FCHSD2: variants seen among roughly 807,000 people sequenced by gnomAD.
The protein encoded by FCHSD2 is F-BAR and double SH3 domains protein 2.
In FCHSD2, 38 loss-of-function variants were observed where a neutral mutation model predicts 108.1. That is an observed-to-expected ratio of 0.35 (90% CI 0.27 to 0.46). The LOEUF (loss-of-function observed/expected upper bound fraction) is 0.46. FCHSD2 is among the 20% of genes least tolerant of loss of function. The pLI is 1.00. For synonymous variants in FCHSD2, 279 were observed against 314.7 expected, an observed-to-expected ratio of 0.89 and a Z score of 1.20; for missense variants, 751 against 897.8, an observed-to-expected ratio of 0.84 and a Z score of 2.09.
At chr11:72,919,880 T>C (rs912443938) in intron 9 of FCHSD2, among the ~76,000 whole-genome samples, 2 of 152,006 alleles carry the variant, frequency 1.3e-5, no homozygotes, top group African/African-American at 4.8e-5. Flanking sequence ...CCCTACCACA[T>C]ATTCCAACTG....
In FCHSD2 at chr11:72,876,975, AT is replaced by A. The variant is rs1193412834; in HGVS notation, c.1147-8950del. 2.3e-3 allele frequency among the ~76,000 whole-genome samples: 324 copies of A among 142,526 alleles called. 1 individual carries two copies. The highest frequency in any genetic ancestry group is 2.3e-3 in the Admixed American group (33 of 14,190). The allele number at this position is 142,526 out of a possible 152,430, so 93.5% of individuals were successfully genotyped here. A position where few individuals can be genotyped will look rare whatever the true frequency, so the allele number is the denominator to read the frequency against. On this transcript the variant is annotated intron_variant, in intron 12 of 19. Coordinates refer to ENST00000409418, the MANE Select transcript of FCHSD2 (RefSeq NM_014824.3). Reference sequence around the variant, plus strand: ...TGTCTAACAGTAATATGATCACTTCATTTTTTTTTTTTTTAGACAGGGTCTG... The same window carrying A: ...TGTCTAACAGTAATATGATCACTTCATTTTTTTTTTTTTAGACAGGGTCTG...
chr11:73,129,641 T>C (rs1860946285), intron 2 of FCHSD2, among the ~76,000 whole-genome samples: 2 of 152,204 alleles, frequency 1.3e-5, no homozygotes, highest in South Asian at 4.1e-4. Context: ...GGTTGCATAA[T>C]TGTTTTCATT....
At chr11:73,037,207 C>G (rs1858518897) in intron 3 of FCHSD2, among the ~76,000 whole-genome samples, 1 of 152,184 alleles carries the variant, frequency 6.6e-6, no homozygotes, top group African/African-American at 2.4e-5. Flanking sequence ...TGCCCCCACA[C>G]ATGCATAGCC....
chr11:72,961,812 T>G (rs1856823582), intron 8 of FCHSD2, among the ~76,000 whole-genome samples: 1 of 152,232 alleles, frequency 6.6e-6, no homozygotes, highest in South Asian at 2.1e-4. Context: ...GTTTATAAAT[T>G]GCAAAGGTGA....
chr11:73,028,582 T>C (rs72982867), intron 3 of FCHSD2, among the ~76,000 whole-genome samples: 34,278 of 152,096 alleles, frequency 0.23, 4,631 homozygotes, highest in Middle Eastern at 0.37. Context: ...AGTTAAGACT[T>C]TGGTGGACTG....
intron 3 of FCHSD2, 83 bp downstream of exon 3, chr11:73,083,612 T>A: frequency 1.3e-6 from 1 of 794,032 alleles, no homozygotes; most frequent in Non-Finnish European, 2.1e-6. Context: ...AGGGATAATA[T>A]GGCTTCTCTC....
chr11:72,989,920 C>T (rs1032364862), intron 5 of FCHSD2, among the ~76,000 whole-genome samples: 5 of 152,138 alleles, frequency 3.3e-5, no homozygotes, highest in African/African-American at 7.2e-5. Flanking sequence ...GGAGGAGACA[C>T]TGGTGAAGGA....
intron 12 of FCHSD2, among the ~76,000 whole-genome samples, chr11:72,879,569 AAAG>A (rs1242790324): frequency 1.3e-4 from 20 of 152,312 alleles, no homozygotes; most frequent in East Asian, 1.9e-4. Context: ...CTAGAAGATA[AAAG>A]AAGAACCACA....
chr11:72,841,340 C>CAAAAAAAAAA (rs59748827), intron 18 of FCHSD2, 114 bp downstream of exon 18: 22 of 373,854 alleles, frequency 5.9e-5, no homozygotes, highest in East Asian at 2.8e-4. Flanking sequence ...ACTCTGTCTC[C>CAAAAAAAAAA]AAAAAAAAAA....
Position 72,837,735 on chromosome 11 carries a change from A to C in FCHSD2, c.*1056T>G, listed in dbSNP as rs1252287359. The C allele has an allele frequency of 6.6e-6, 1 of 152,206 alleles. No homozygotes were observed. The highest frequency in any genetic ancestry group is 1.5e-5 in the Non-Finnish European group (1 of 68,050). The allele number at this position is 152,206 out of a possible 1,614,324, so 9.4% of individuals were successfully genotyped here. ...AGAAAGCTGGTTTCCTCCACGAGCC[A>C]CCAGGTTCTTCCTTCCACGGAAATG... On this transcript the variant is annotated 3_prime_UTR_variant, in exon 20 of 20. Coordinates refer to ENST00000409418, the MANE Select transcript of FCHSD2 (RefSeq NM_014824.3).
At position 73,027,766 on chromosome 11, in the gene FCHSD2, G is replaced by GGCTGTGCTGC. The variant is rs1188482955; in HGVS notation, c.166-11891_166-11882dup. ...AAATGGTTTTGTAGCCCAGGACCAG[G>GGCTGTGCTGC]GCTGTGCTGCTCTGTGCAGCCTTGG... On this transcript the variant is annotated intron_variant, in intron 3 of 19. Transcript: ENST00000409418. 2.0e-5 allele frequency among the ~76,000 whole-genome samples: 3 copies of GGCTGTGCTGC among 152,368 alleles called. No individual in the cohort carries two copies. In the South Asian group the frequency reaches 6.2e-4, roughly 32 times the overall value.
At chr11:72,942,839 T>C (rs1856447025) in intron 8 of FCHSD2, among the ~76,000 whole-genome samples, 1 of 152,116 alleles carries the variant, frequency 6.6e-6, no homozygotes, top group Non-Finnish European at 1.5e-5. Flanking sequence ...TGGAGTGCAG[T>C]GGTATGATCA....
rs758595614 is a variant in FCHSD2 at position 72,842,713 on chromosome 11, A to G, written c.1834T>C (p.Phe612Leu). The G allele has an allele frequency of 3.7e-6, 6 of 1,613,904 alleles. No homozygotes were observed. In the African/African-American group the frequency reaches 8.0e-5, roughly 22 times the overall value. Residue 612 changes from phenylalanine to leucine, a missense_variant, in exon 17 of 20, where the codon TTC becomes CTC. Coordinates refer to ENST00000409418, the MANE Select transcript of FCHSD2 (RefSeq NM_014824.3). ...QDDDGFWEGE[F>L]NGRIGVFPSV... ...GGGAAAACTCCAATACGCCCATTGA[A>G]TTCCCCTTCCCAGAAGCCATCATCA...
rs79078438 is a variant in FCHSD2 at position 73,097,296 on chromosome 11, C to T, written c.120-13556G>A. Among the ~76,000 whole-genome samples the T allele has an allele frequency of 5.3e-5, 8 of 151,690 alleles. No individual in the cohort carries two copies. The East Asian group carries it at 1.5e-3, about 29-fold the overall frequency. The stretch of plus-strand genomic sequence containing the variant: ...TCCCTGGGATTGCAGGCGTGTAATC[C>T]CACTTGGTCGTGGTGGATAATCCTT... On this transcript the variant is annotated intron_variant, in intron 2 of 19. Transcript: ENST00000409418.
intron 8 of FCHSD2, among the ~76,000 whole-genome samples, chr11:72,925,087 T>C (rs1039275504): frequency 6.6e-6 from 1 of 151,984 alleles, no homozygotes; most frequent in African/African-American, 2.4e-5. Flanking sequence ...GATTTTAAGG[T>C]GAACCATATA....
chr11:72,989,689 A>C (rs368669408), intron 5 of FCHSD2, among the ~76,000 whole-genome samples: 1 of 152,198 alleles, frequency 6.6e-6, no homozygotes, highest in Admixed American at 6.5e-5. Flanking sequence ...AGGGATGGAC[A>C]TAACAACTAA....
intron 14 of FCHSD2, among the ~76,000 whole-genome samples, chr11:72,845,678 A>G (rs1861113007): frequency 6.6e-6 from 1 of 151,974 alleles, no homozygotes; most frequent in Admixed American, 6.6e-5. Context: ...CCTGCACACT[A>G]TTTCTATTCT....
At chr11:73,141,341 A>T (rs1861242817) in intron 1 of FCHSD2, 1 of 154,794 alleles carries the variant, frequency 6.5e-6, no homozygotes, top group African/African-American at 2.4e-5. Flanking sequence ...GGAGGCGGTG[A>T]CTATTCCAAC....
chr11:73,018,819 A>G (rs1858031081), intron 3 of FCHSD2, among the ~76,000 whole-genome samples: 1 of 152,162 alleles, frequency 6.6e-6, no homozygotes, highest in South Asian at 2.1e-4. Context: ...GTCAAATTTG[A>G]CCATCTTCAC....
Sources: allele counts gnomAD v4.1 joint callset (sites outside exome capture counted in the v4.1 genomes callset), GRCh38; gene constraint gnomAD v4.1.1; transcripts MANE v1.5; gene names NCBI Gene and HGNC (gene_info 2026-07-23, HGNC 2026-07-21).